The following CSMD3 variants were observed in gnomAD, a reference collection of about 807,000 sequenced individuals.
The protein encoded by CSMD3 is CUB and Sushi multiple domains 3, also known as CUB and sushi domain-containing protein 3.
CSMD3 carries 177 observed loss-of-function variants against 435.2 expected under a neutral mutation model. The observed-to-expected ratio is 0.41, with a 90% CI of 0.36 to 0.46. The LOEUF is 0.46. Among genes scored for constraint, CSMD3 ranks in the 20% least tolerant of loss-of-function variants. The pLI is 0.34. For missense variants in CSMD3, 4,265 were observed against 4,504.6 expected (o/e 0.95, Z 1.52); for synonymous variants, 1,656 against 1,520.5 (o/e 1.09, Z -2.07).
intron 32 of CSMD3, among the ~76,000 whole-genome samples, chr8:112,451,031 T>G (rs1050516022): frequency 2.0e-5 from 3 of 152,156 alleles, no homozygotes; most frequent in African/African-American, 4.8e-5. Context: ...AAATAAACAT[T>G]GGTACAAATA....
intron 1 of CSMD3, among the ~76,000 whole-genome samples, chr8:113,341,584 T>C (rs975224615): frequency 7.9e-5 from 12 of 152,096 alleles, no homozygotes; most frequent in Admixed American, 7.2e-4. Context: ...TATAAATATA[T>C]ATATGAGACA....
intron 18 of CSMD3, among the ~76,000 whole-genome samples, chr8:112,652,659 T>C (rs2075156612): frequency 6.6e-6 from 1 of 152,186 alleles, no homozygotes; most frequent in Admixed American, 6.5e-5. Flanking sequence ...TAGTTCATAA[T>C]TGATTGACAA....
At chr8:112,283,889 G>A (rs1461382963) in intron 58 of CSMD3, among the ~76,000 whole-genome samples, 1 of 151,782 alleles carries the variant, frequency 6.6e-6, no homozygotes, top group Non-Finnish European at 1.5e-5. Flanking sequence ...AGCTAGAAGT[G>A]AGGACCTGAA....
rs769731876 is a variant in CSMD3, at chr8:112,954,685, G to A, written c.1419C>T (p.Ile473=). ...PGKDNSNKFS[I]LNEGGIKTAS... Reference sequence around the variant, plus strand: ...GTAACAAAAAAGAAGTACACTCACAGATAGAAAACTTGTTGCTGTTGTCTT... The same window carrying A: ...GTAACAAAAAAGAAGTACACTCACAAATAGAAAACTTGTTGCTGTTGTCTT... Residue 473 remains isoleucine (I), a splice_region_variant and synonymous_variant, in exon 8 of 71, where the codon ATC becomes ATT. Coordinates refer to ENST00000297405, the MANE Select transcript of CSMD3 (RefSeq NM_198123.2). The A allele has an allele frequency of 6.3e-7, 1 of 1,584,266 alleles. No homozygotes were observed. The highest frequency in any genetic ancestry group is 8.7e-7 in the Non-Finnish European group (1 of 1,154,228).
At chr8:112,855,673 A>C (rs899736816) in intron 11 of CSMD3, among the ~76,000 whole-genome samples, 1 of 152,204 alleles carries the variant, frequency 6.6e-6, no homozygotes, top group Non-Finnish European at 1.5e-5. Context: ...TATAACATAC[A>C]TACCTGTATA....
intron 10 of CSMD3, among the ~76,000 whole-genome samples, chr8:112,867,466 T>C (rs2081015633): frequency 6.6e-6 from 1 of 152,102 alleles, no homozygotes; most frequent in African/African-American, 2.4e-5. Flanking sequence ...TGTGAGGCAA[T>C]TTTGTCATTA....
chr8:112,743,308 AT>A (rs1462355923), intron 13 of CSMD3, among the ~76,000 whole-genome samples: 14 of 151,602 alleles, frequency 9.2e-5, no homozygotes, highest in Non-Finnish European at 1.3e-4. Flanking sequence ...AAAAAAAAAA[AT>A]AAATAAATAA....
intron 11 of CSMD3, among the ~76,000 whole-genome samples, chr8:112,836,631 A>G (rs2080032166): frequency 6.6e-6 from 1 of 151,904 alleles, no homozygotes; most frequent in Non-Finnish European, 1.5e-5. Context: ...TTCAGCTATT[A>G]CAACCATCTC....
Position 112,254,272 on chromosome 8 carries a change from T to C in CSMD3, c.10091A>G (p.Asn3364Ser), listed in dbSNP as rs963454462. ...NPGVPRHGSQ[N>S]NTFGFQVGSV... ...ACCCACTTGAAATCCGAATGTATTG[T>C]TCTGAGATCCATGCCGAGGCACACC... is the stretch of plus-strand genomic sequence containing the variant. The change falls in exon 63 of 71, where the codon AAC becomes AGC. Residue 3364 changes from asparagine (N) to serine (S), a missense_variant. Asn to Ser is a conservative substitution (Grantham distance 46). Around this residue, in one of 3 missense-constraint regions of CSMD3, gnomAD observed 3,255 missense variants for 3,380.2 expected, o/e 0.96. Coordinates refer to ENST00000297405, the MANE Select transcript of CSMD3 (RefSeq NM_198123.2). The C allele has an allele frequency of 2.5e-6, 4 of 1,612,510 alleles. No individual in the cohort carries two copies. Among genetic ancestry groups the C allele is most frequent in the Middle Eastern group, 1.7e-4 (1 of 6,054 alleles).
At chr8:112,535,784 A>G (rs1186262138) in intron 27 of CSMD3, among the ~76,000 whole-genome samples, 1 of 152,216 alleles carries the variant, frequency 6.6e-6, no homozygotes, top group Non-Finnish European at 1.5e-5. Flanking sequence ...CTACAAGGCT[A>G]CAGTGACCAA....
intron 41 of CSMD3, among the ~76,000 whole-genome samples, chr8:112,342,154 T>A (rs1825183326): frequency 6.6e-6 from 1 of 152,110 alleles, no homozygotes; most frequent in Non-Finnish European, 1.5e-5. Context: ...AGGAGAGAAA[T>A]TAACTTCTCA....
chr8:113,063,933 C>A lies in CSMD3; in HGVS notation c.917+34823G>T, dbSNP rs149361764. 4.7e-3 allele frequency among the ~76,000 whole-genome samples: 704 copies of A among 151,354 alleles called. 5 individuals are homozygous for A. Among genetic ancestry groups the A allele is most frequent in the African/African-American group, 0.015 (614 of 41,350 alleles). ...TAAGTTTTATAATACAATAAAATTC[C>A]TTTAATATATTAAAAGGACTATAAT... On this transcript the variant is annotated intron_variant, in intron 5 of 70. Coordinates refer to ENST00000297405, the MANE Select transcript of CSMD3 (RefSeq NM_198123.2).
chr8:113,068,677 G>T (rs2088967815), intron 5 of CSMD3, among the ~76,000 whole-genome samples: 1 of 152,046 alleles, frequency 6.6e-6, no homozygotes, highest in South Asian at 2.1e-4. Context: ...TACCAGAAAA[G>T]CTCCCTATTA....
intron 6 of CSMD3, among the ~76,000 whole-genome samples, chr8:112,988,176 A>G (rs2085323617): frequency 6.6e-6 from 1 of 151,998 alleles, no homozygotes; most frequent in Admixed American, 6.6e-5. Flanking sequence ...GCGCAAATCA[A>G]GGGAAGAGAA....
intron 27 of CSMD3, among the ~76,000 whole-genome samples, chr8:112,549,545 T>C (rs577907785): frequency 6.6e-6 from 1 of 152,184 alleles, no homozygotes; most frequent in East Asian, 1.9e-4. Flanking sequence ...ACTGTATAAT[T>C]GTTTACTTAA....
chr8:112,737,327 G>A lies in CSMD3; in HGVS notation c.1973-47277C>T, dbSNP rs867867367. Among the ~76,000 whole-genome samples, 3 of 151,976 alleles carry A rather than the reference G, an allele frequency of 2.0e-5. No homozygotes were observed. In the South Asian group the frequency reaches 6.2e-4, roughly 31 times the overall value. ...CATTTCAGCACCATCTCTGGATGATGTTTGGAACAATCCAAACTAGAGCTT... is the reference window on the plus strand; with the variant it reads ...CATTTCAGCACCATCTCTGGATGATATTTGGAACAATCCAAACTAGAGCTT... On this transcript the variant is annotated intron_variant, in intron 13 of 70. Coordinates refer to ENST00000297405, the MANE Select transcript of CSMD3 (RefSeq NM_198123.2).
intron 47 of CSMD3, among the ~76,000 whole-genome samples, chr8:112,317,717 C>T (rs527717131): frequency 3.9e-5 from 6 of 152,104 alleles, no homozygotes; most frequent in African/African-American, 1.4e-4. Flanking sequence ...CCCCCACACC[C>T]ACTTTCCTGC....
intron 45 of CSMD3, among the ~76,000 whole-genome samples, chr8:112,331,170 A>G (rs958703127): frequency 1.3e-5 from 2 of 152,058 alleles, no homozygotes; most frequent in African/African-American, 4.8e-5. Flanking sequence ...GTCACTGCAA[A>G]AAGAACACTC....
chr8:112,232,599 A>C (rs1013715580), intron 68 of CSMD3, among the ~76,000 whole-genome samples: 1 of 152,020 alleles, frequency 6.6e-6, no homozygotes, highest in African/African-American at 2.4e-5. Flanking sequence ...ACAGAGTGAG[A>C]CTCTGCTCAA....
Sources: allele counts gnomAD v4.1 joint callset (sites outside exome capture counted in the v4.1 genomes callset), GRCh38; gene constraint gnomAD v4.1.1; regional missense constraint gnomAD v4.1.1; transcripts MANE v1.5; gene names NCBI Gene and HGNC (gene_info 2026-07-23, HGNC 2026-07-21).